The following DLC1 variants were observed in gnomAD, a reference collection of about 807,000 sequenced individuals.
DLC1 encodes the protein DLC1 Rho GTPase activating protein.
DLC1 carries 54 observed loss-of-function variants against 140.3 expected under a neutral mutation model. That is an observed-to-expected ratio of 0.38 (90% CI 0.31 to 0.48). DLC1 has a LOEUF of 0.48. Ranked by LOEUF, DLC1 falls within the 20% of genes least tolerant of loss-of-function variation. The pLI is 0.96. For synonymous variants in DLC1, 986 were observed against 728.1 expected (o/e 1.35, Z -5.70); for missense variants, 2,536 against 1,907.0 (o/e 1.33, Z -6.14).
chr8:13,577,974 A>T (rs1804904737), intron 1 of DLC1, among the ~76,000 whole-genome samples: 1 of 151,906 alleles, frequency 6.6e-6, no homozygotes, highest in Admixed American at 6.6e-5. Context: ...ATGAATGTTT[A>T]TTCCTGTAAC....
chr8:13,571,384 G>T (rs1176147672), intron 1 of DLC1, among the ~76,000 whole-genome samples: 2 of 152,040 alleles, frequency 1.3e-5, no homozygotes. Flanking sequence ...TCTCCCCCTG[G>T]TACCTGGTCA....
intron 5 of DLC1, among the ~76,000 whole-genome samples, chr8:13,237,395 A>T (rs1450635842): frequency 6.6e-6 from 1 of 151,268 alleles, no homozygotes; most frequent in Non-Finnish European, 1.5e-5. Flanking sequence ...ATTTGTGATT[A>T]TGTATGAACT....
intron 1 of DLC1, among the ~76,000 whole-genome samples, chr8:13,597,084 A>G (rs894804307): frequency 2.6e-5 from 4 of 151,916 alleles, no homozygotes; most frequent in Admixed American, 6.6e-5. Flanking sequence ...TTTCATCTCA[A>G]TATGTCCACT....
At chr8:13,331,463 G>A (rs1348714527) in intron 4 of DLC1, among the ~76,000 whole-genome samples, 1 of 152,114 alleles carries the variant, frequency 6.6e-6, no homozygotes, top group African/African-American at 2.4e-5. Context: ...CCAAGTTGAG[G>A]ACTGGTTATT....
At chr8:13,562,415 T>A (rs1804274508) in intron 1 of DLC1, among the ~76,000 whole-genome samples, 2 of 152,242 alleles carry the variant, frequency 1.3e-5, no homozygotes, top group South Asian at 4.1e-4. Context: ...AAAGAATATA[T>A]GGTACACATA....
intron 5 of DLC1, among the ~76,000 whole-genome samples, chr8:13,152,491 G>T (rs983513904): frequency 6.6e-6 from 1 of 152,150 alleles, no homozygotes; most frequent in South Asian, 2.1e-4. Flanking sequence ...TGAAGCAGTG[G>T]TTTTAATTTC....
chr8:13,127,970 A>T (rs1821726517), intron 5 of DLC1, among the ~76,000 whole-genome samples: 1 of 152,162 alleles, frequency 6.6e-6, no homozygotes, highest in Non-Finnish European at 1.5e-5. Flanking sequence ...AGACACCAAA[A>T]GGCACCAAGT....
intron 2 of DLC1, among the ~76,000 whole-genome samples, chr8:13,483,575 G>C (rs1800837584): frequency 6.6e-6 from 1 of 152,158 alleles, no homozygotes; most frequent in Non-Finnish European, 1.5e-5. Context: ...GGCAAGGGCA[G>C]GGAGGTGAGC....
chr8:13,468,623 C>T (rs553772371), intron 2 of DLC1, among the ~76,000 whole-genome samples: 2 of 151,992 alleles, frequency 1.3e-5, no homozygotes, highest in East Asian at 1.9e-4. Context: ...ACTCCTCCCA[C>T]CTCAGCCTCC....
At chr8:13,225,388 G>A (rs1413195574) in intron 5 of DLC1, among the ~76,000 whole-genome samples, 2 of 152,038 alleles carry the variant, frequency 1.3e-5, no homozygotes, top group African/African-American at 2.4e-5. Flanking sequence ...CAACCGGTTG[G>A]CACCTACAAC....
rs1199650897 is a variant in DLC1 at position 13,083,818 on chromosome 8, C to T, written c.*1993G>A. The T allele has an allele frequency of 1.3e-5, 2 of 152,554 alleles. No individual in the cohort carries two copies. The highest frequency in any genetic ancestry group is 4.8e-5 in the African/African-American group (2 of 41,422). The allele number at this position is 152,554 out of a possible 1,614,324, so 9.5% of individuals were successfully genotyped here. On this transcript the variant is annotated 3_prime_UTR_variant, in exon 18 of 18. Coordinates refer to ENST00000276297, the MANE Select transcript of DLC1 (RefSeq NM_182643.3). ...CAGTCCGATTTTTCCTTCAGCAAAT[C>T]GCTCTTTTGATTGTAGTTGATGCTA...
chr8:13,559,648 G>A lies in DLC1; in HGVS notation c.-126+44889C>T, dbSNP rs565408415. Among the ~76,000 whole-genome samples, 13 of 152,302 alleles carry A rather than the reference G, an allele frequency of 8.5e-5. No individual in the cohort carries two copies. In the East Asian group the frequency reaches 2.3e-3, roughly 27 times the overall value. On this transcript the variant is annotated intron_variant, in intron 1 of 1. Transcript: ENST00000631382. Reference sequence around the variant, plus strand: ...ATAAAATGCTTTGCAAAGATGCTGAGTAGTGGAAAAATAATTCTATGTAGT... The same window carrying A: ...ATAAAATGCTTTGCAAAGATGCTGAATAGTGGAAAAATAATTCTATGTAGT...
chr8:13,206,816 G>C (rs1175446789), intron 5 of DLC1, among the ~76,000 whole-genome samples: 2 of 151,872 alleles, frequency 1.3e-5, no homozygotes, highest in African/African-American at 4.8e-5. Context: ...AGGTTTGCTG[G>C]TTATCTCAGA....
chr8:13,535,541 C>G (rs938920601), intron 1 of DLC1, among the ~76,000 whole-genome samples: 1 of 151,794 alleles, frequency 6.6e-6, no homozygotes, highest in Non-Finnish European at 1.5e-5. Flanking sequence ...AACTACATTT[C>G]TAAACAATTA....
chr8:13,466,771 T>C (rs2117049008), intron 2 of DLC1, among the ~76,000 whole-genome samples: 1 of 152,316 alleles, frequency 6.6e-6, no homozygotes, highest in East Asian at 1.9e-4. Flanking sequence ...TCTATGTACA[T>C]TAGATTTTTT....
intron 5 of DLC1, among the ~76,000 whole-genome samples, chr8:13,286,747 T>C (rs1256016819): frequency 6.9e-6 from 1 of 144,974 alleles, no homozygotes; most frequent in Non-Finnish European, 1.5e-5. Flanking sequence ...AAAAAACACA[T>C]GAAAAAAGTG....
chr8:13,111,746 C>G (rs1486365442), intron 6 of DLC1, among the ~76,000 whole-genome samples: 1 of 151,932 alleles, frequency 6.6e-6, no homozygotes, highest in Non-Finnish European at 1.5e-5. Flanking sequence ...TAGAGTGCTA[C>G]TACAATACCA....
chr8:13,577,000 G>A (rs1006809717), intron 1 of DLC1, among the ~76,000 whole-genome samples: 3 of 152,142 alleles, frequency 2.0e-5, no homozygotes, highest in African/African-American at 7.2e-5. Context: ...AGTGCTTACT[G>A]CTTGCTGATT....
chr8:13,104,925 T>A (rs1406826468), intron 7 of DLC1, among the ~76,000 whole-genome samples: 1 of 152,242 alleles, frequency 6.6e-6, no homozygotes, highest in Non-Finnish European at 1.5e-5. Context: ...TATCAATTAC[T>A]TAAATGACTT....
Sources: allele counts gnomAD v4.1 joint callset (sites outside exome capture counted in the v4.1 genomes callset), GRCh38; gene constraint gnomAD v4.1.1; transcripts MANE v1.5; gene names NCBI Gene and HGNC (gene_info 2026-07-23, HGNC 2026-07-21).